The following NRG1 variants were observed in gnomAD, a reference collection of about 807,000 sequenced individuals.
NRG1 encodes neuregulin 1, also known as pro-neuregulin-1, membrane-bound isoform.
Under a neutral mutation model 63.8 loss-of-function variants are expected in NRG1, and 18 were observed. That is an observed-to-expected ratio of 0.28 (90% CI 0.19 to 0.42). The LOEUF (loss-of-function observed/expected upper bound fraction) is 0.42. Among genes scored for constraint, NRG1 ranks in the 10% least tolerant of loss-of-function variants. NRG1 has a pLI of 1.00. For missense variants in NRG1, 762 were observed against 814.7 expected, an observed-to-expected ratio of 0.94 and a Z score of 0.79; for synonymous variants, 302 against 301.3, an observed-to-expected ratio of 1.00 and a Z score of -0.02.
At chr8:31,810,669 C>T (rs1822797414) in intron 1 of NRG1, among the ~76,000 whole-genome samples, 1 of 152,212 alleles carries the variant, frequency 6.6e-6, no homozygotes, top group South Asian at 2.1e-4. Flanking sequence ...TTATCATCCA[C>T]TGTCCCTCTT....
At chr8:32,536,433 C>T (rs1831975587) in intron 1 of NRG1, among the ~76,000 whole-genome samples, 1 of 152,166 alleles carries the variant, frequency 6.6e-6, no homozygotes, top group Non-Finnish European at 1.5e-5. Context: ...AGGTTCACTC[C>T]CTTTTTAAGG....
At chr8:31,869,720 C>G (rs1313229684) in intron 1 of NRG1, among the ~76,000 whole-genome samples, 1 of 152,106 alleles carries the variant, frequency 6.6e-6, no homozygotes, top group Non-Finnish European at 1.5e-5. Context: ...TTTGAAACAG[C>G]AATCTAAAAG....
intron 5 of NRG1, among the ~76,000 whole-genome samples, chr8:32,701,184 A>G (rs1052602656): frequency 4.6e-5 from 7 of 152,346 alleles, no homozygotes; most frequent in African/African-American, 1.7e-4. Flanking sequence ...TTTTCAAAGA[A>G]GAATCAAAGA....
intron 1 of NRG1, among the ~76,000 whole-genome samples, chr8:31,762,040 A>T (rs1466392501): frequency 1.3e-5 from 2 of 152,226 alleles, no homozygotes; most frequent in Admixed American, 6.5e-5. Flanking sequence ...GCATTGAAAA[A>T]GTTTATTTTG....
intron 1 of NRG1, among the ~76,000 whole-genome samples, chr8:31,976,926 C>A (rs1808289242): frequency 6.6e-6 from 1 of 151,994 alleles, no homozygotes; most frequent in South Asian, 2.1e-4. Context: ...CTTGATTATC[C>A]AAAATAGAGA....
At chr8:31,764,844 T>C (rs7830475) in intron 1 of NRG1, among the ~76,000 whole-genome samples, 33,831 of 148,262 alleles carry the variant, frequency 0.23, 4,152 homozygotes, top group Admixed American at 0.25. Context: ...ACCCACTAAC[T>C]CGTCATCTAG....
In NRG1 at chr8:31,810,974, T is replaced by A. The variant is rs572556028; in HGVS notation, c.37+171543T>A. Among the ~76,000 whole-genome samples the A allele has an allele frequency of 6.6e-5, 10 of 152,358 alleles. No individual in the cohort carries two copies. The East Asian group carries it at 1.9e-3, about 29-fold the overall frequency. ...TTCTTTATTTCTCCTCTGTTTTCTTTGTAGAGATCATGAATATCTTAAGCT... is the reference window on the plus strand; with the variant it reads ...TTCTTTATTTCTCCTCTGTTTTCTTAGTAGAGATCATGAATATCTTAAGCT... On this transcript the variant is annotated intron_variant, in intron 1 of 10. Transcript: ENST00000519301.
intron 1 of NRG1, among the ~76,000 whole-genome samples, chr8:32,161,682 C>T (rs931642696): frequency 6.6e-6 from 1 of 152,072 alleles, no homozygotes; most frequent in Non-Finnish European, 1.5e-5. Flanking sequence ...GTATAAATTC[C>T]ACTGCATTGT....
At chr8:31,672,275 C>G (rs1274664464) in intron 1 of NRG1, among the ~76,000 whole-genome samples, 2 of 152,090 alleles carry the variant, frequency 1.3e-5, no homozygotes, top group Admixed American at 6.6e-5. Flanking sequence ...GTGTTAGACA[C>G]TTAGCTTGGT....
intron 1 of NRG1, among the ~76,000 whole-genome samples, chr8:32,019,581 T>C (rs1004752723): frequency 3.3e-5 from 5 of 152,228 alleles, no homozygotes; most frequent in African/African-American, 1.2e-4. Context: ...GTTTAGTTCT[T>C]TGTGTTTGTT....
intron 1 of NRG1, among the ~76,000 whole-genome samples, chr8:32,421,451 G>A (rs190566193): frequency 0.017 from 2,548 of 152,202 alleles, 60 homozygotes; most frequent in African/African-American, 0.058. Context: ...TAATTGCTGG[G>A]CAGCTAGAGC....
chr8:32,479,900 G>A (rs911747690), intron 1 of NRG1, among the ~76,000 whole-genome samples: 1 of 152,000 alleles, frequency 6.6e-6, no homozygotes, highest in African/African-American at 2.4e-5. Flanking sequence ...TACCCACCTT[G>A]GCCTCCCAAA....
At chr8:32,511,396 TATAA>T (rs1166886334) in intron 1 of NRG1, among the ~76,000 whole-genome samples, 16 of 136,878 alleles carry the variant, frequency 1.2e-4, no homozygotes, top group Admixed American at 6.1e-4. Context: ...TATATATATA[TATAA>T]ATAAAATAAA....
At chr8:31,922,115 C>G (rs1241823415) in intron 1 of NRG1, among the ~76,000 whole-genome samples, 2 of 152,178 alleles carry the variant, frequency 1.3e-5, no homozygotes, top group Non-Finnish European at 2.9e-5. Context: ...TCTTGACAAG[C>G]TTTACCTACA....
At chr8:31,723,561 G>A (rs899444801) in intron 1 of NRG1, among the ~76,000 whole-genome samples, 1 of 152,052 alleles carries the variant, frequency 6.6e-6, no homozygotes, top group Non-Finnish European at 1.5e-5. Flanking sequence ...CCTGGCTCAA[G>A]TCATCTTCCC....
chr8:32,252,689 G>T (rs905234861), intron 1 of NRG1, among the ~76,000 whole-genome samples: 1 of 152,084 alleles, frequency 6.6e-6, no homozygotes, highest in South Asian at 2.1e-4. Flanking sequence ...CTCTCTTTTG[G>T]TTCCATATGA....
chr8:31,753,467 G>A (rs1353352290), intron 1 of NRG1, among the ~76,000 whole-genome samples: 6 of 152,106 alleles, frequency 3.9e-5, no homozygotes, highest in African/African-American at 1.4e-4. Context: ...TTGGAAAACT[G>A]TCTAAAGAAA....
intron 1 of NRG1, among the ~76,000 whole-genome samples, chr8:31,920,883 G>GATA (rs1563568643): frequency 8.3e-5 from 11 of 133,332 alleles, no homozygotes; most frequent in African/African-American, 1.1e-4. Flanking sequence ...TAGATAGATA[G>GATA]GTAGATAGAT....
intron 1 of NRG1, among the ~76,000 whole-genome samples, chr8:32,356,474 A>ACCCCCCCCCCCCCCCCCCCCGCC (rs11426642): frequency 1.3e-4 from 9 of 69,324 alleles, no homozygotes; most frequent in Middle Eastern, 8.1e-3. Context: ...CCTTGTTGGG[A>ACCCCCCCCCCCCCCCCCCCCGCC]CCCCCCCCCC....
Sources: gnomAD v4.1 joint callset for allele counts (sites outside exome capture counted in the v4.1 genomes callset) on GRCh38, gnomAD v4.1.1 for gene constraint, MANE v1.5 for transcripts, NCBI Gene and HGNC (gene_info 2026-07-23, HGNC 2026-07-21) for gene names.